The following SMAD3 variants were observed in gnomAD, a reference collection of about 807,000 sequenced individuals.
SMAD3 encodes MAD homolog 3.
Under a neutral mutation model 51.8 loss-of-function variants are expected in SMAD3, and 12 were observed. The ratio of observed to expected loss-of-function variants is 0.23; its 90% CI spans 0.15 to 0.38. SMAD3 has a LOEUF of 0.38. Ranked by LOEUF, SMAD3 falls within the 10% of genes least tolerant of loss-of-function variation. SMAD3 has a pLI of 1.00. For synonymous variants in SMAD3, 238 were observed against 227.7 expected (o/e 1.05, Z -0.41); for missense variants, 294 against 565.6 (o/e 0.52, Z 4.87).
chr15:67,081,290 A>G (rs1337991066), intron 1 of SMAD3, among the ~76,000 whole-genome samples: 1 of 152,152 alleles, frequency 6.6e-6, no homozygotes, highest in Non-Finnish European at 1.5e-5. Flanking sequence ...CCCTGGTGTC[A>G]TGGGGATGAC....
intron 5 of SMAD3, among the ~76,000 whole-genome samples, chr15:67,180,363 C>T (rs1289578184): frequency 6.6e-6 from 1 of 151,900 alleles, no homozygotes; most frequent in African/African-American, 2.4e-5. Flanking sequence ...AAATGGAAGG[C>T]TGGGATCCAT....
At chr15:67,186,315 C>T (rs1335734631) in intron 7 of SMAD3, among the ~76,000 whole-genome samples, 1 of 152,208 alleles carries the variant, frequency 6.6e-6, no homozygotes, top group Non-Finnish European at 1.5e-5. Context: ...CTCAGTGACG[C>T]TCTTGGCCTT....
At position 67,066,361 on chromosome 15, in the gene SMAD3, G is replaced by A; in HGVS notation, c.206+1G>A. The A allele has an allele frequency of 6.2e-7, 1 of 1,611,594 alleles. No individual in the cohort carries two copies. On this transcript the variant is annotated splice_donor_variant, in intron 1 of 8. Coordinates refer to ENST00000327367, the MANE Select transcript of SMAD3 (RefSeq NM_005902.4). LOFTEE classifies it high-confidence loss of function. ...ACACCAAGTGCATCACCATCCCCAG[G>A]TGGGGGCCCGCCCGGGGGGGACCCG...
At chr15:67,108,894 G>A (rs981851175) in intron 1 of SMAD3, among the ~76,000 whole-genome samples, 1 of 152,208 alleles carries the variant, frequency 6.6e-6, no homozygotes, top group Non-Finnish European at 1.5e-5. Context: ...AGATTGCACT[G>A]ATCTGGAGGT....
intron 1 of SMAD3, chr15:67,098,590 G>C: frequency 2.3e-6 from 1 of 426,952 alleles, no homozygotes; most frequent in Non-Finnish European, 4.3e-6. Flanking sequence ...GCAGCACAGA[G>C]GCAAACCACA....
At chr15:67,130,952 T>A (rs1395970066) in intron 1 of SMAD3, among the ~76,000 whole-genome samples, 8 of 152,184 alleles carry the variant, frequency 5.3e-5, no homozygotes. Flanking sequence ...AGATCTTGGC[T>A]GTGTTCTACC....
At chr15:67,142,067 G>A (rs187631896) in intron 1 of SMAD3, among the ~76,000 whole-genome samples, 167 of 152,248 alleles carry the variant, frequency 1.1e-3, no homozygotes, top group African/African-American at 3.2e-3. Context: ...TCAAGGCCAC[G>A]TAGCGAGGCA....
At chr15:67,113,076 G>GTATATATATATATATATATA (rs1555408269) in intron 1 of SMAD3, among the ~76,000 whole-genome samples, 3 of 34,982 alleles carry the variant, frequency 8.6e-5, no homozygotes, top group Admixed American at 3.6e-4. Flanking sequence ...ATATATATGT[G>GTATATATATATATATATATA]TATATATATA....
intron 5 of SMAD3, among the ~76,000 whole-genome samples, chr15:67,178,727 T>A (rs754329937): frequency 1.8e-4 from 28 of 152,064 alleles, no homozygotes; most frequent in Non-Finnish European, 4.1e-4. Flanking sequence ...GTGACCACAT[T>A]GTTTAGAATA....
rs1378925400 is a variant in SMAD3, at chr15:67,166,766, T to C, written c.533-13T>C. On this transcript the variant is annotated splice_polypyrimidine_tract_variant and intron_variant, in intron 3 of 8. Coordinates refer to ENST00000327367, the MANE Select transcript of SMAD3 (RefSeq NM_005902.4). ...AAGGCCTTTTAACAGACCACCTTCC[T>C]TCTGATTCCCAGAGACCCCACCCCC... 1 of 1,578,208 alleles carries C rather than the reference T, an allele frequency of 6.3e-7. No homozygotes were observed. The highest frequency in any genetic ancestry group is 8.6e-7 in the Non-Finnish European group (1 of 1,160,294).
intron 1 of SMAD3, among the ~76,000 whole-genome samples, chr15:67,123,975 T>G (rs1267300456): frequency 6.6e-6 from 1 of 152,110 alleles, no homozygotes; most frequent in Non-Finnish European, 1.5e-5. Flanking sequence ...TTTAGAAGCT[T>G]TTGTTCCTTT....
At chr15:67,123,262 G>A (rs527805099) in intron 1 of SMAD3, among the ~76,000 whole-genome samples, 2 of 151,452 alleles carry the variant, frequency 1.3e-5, no homozygotes, top group Non-Finnish European at 2.9e-5. Context: ...TTGGGAGGCC[G>A]AGGCGGGTGG....
At chr15:67,122,504 T>C (rs1595912156) in intron 1 of SMAD3, among the ~76,000 whole-genome samples, 1 of 152,316 alleles carries the variant, frequency 6.6e-6, no homozygotes, top group African/African-American at 2.4e-5. Context: ...GGCCATTTGT[T>C]AGAGCCAAAA....
intron 1 of SMAD3, chr15:67,137,911 C>G: frequency 2.8e-6 from 2 of 712,414 alleles, no homozygotes; most frequent in Middle Eastern, 2.4e-4. Flanking sequence ...CAGGGCTCTT[C>G]TGTTAGCGAC....
intron 1 of SMAD3, among the ~76,000 whole-genome samples, chr15:67,104,067 C>T (rs1326580336): frequency 2.0e-5 from 3 of 152,162 alleles, no homozygotes; most frequent in Non-Finnish European, 1.5e-5. Flanking sequence ...GTGCCTGCCT[C>T]TGCTGGTTTT....
At chr15:67,175,860 C>T (rs1359980494) in intron 5 of SMAD3, among the ~76,000 whole-genome samples, 2 of 152,228 alleles carry the variant, frequency 1.3e-5, no homozygotes, top group Non-Finnish European at 2.9e-5. Flanking sequence ...GCCCAAGGCT[C>T]TTTTACAATG....
chr15:67,127,334 G>T (rs1467056171), intron 1 of SMAD3, among the ~76,000 whole-genome samples: 1 of 152,226 alleles, frequency 6.6e-6, no homozygotes, highest in Non-Finnish European at 1.5e-5. Flanking sequence ...AGGCTGACAG[G>T]TTAAGTGACA....
intron 1 of SMAD3, among the ~76,000 whole-genome samples, chr15:67,089,345 C>G (rs1033706842): frequency 6.6e-6 from 1 of 152,206 alleles, no homozygotes; most frequent in Non-Finnish European, 1.5e-5. Context: ...TGCCAGTCTT[C>G]GTCCTCAGCC....
chr15:67,119,563 G>A (rs1595910237), intron 1 of SMAD3, among the ~76,000 whole-genome samples: 1 of 152,284 alleles, frequency 6.6e-6, no homozygotes, highest in East Asian at 1.9e-4. Context: ...AACTGTCTAT[G>A]AAGCAGATGG....
Sources: allele counts gnomAD v4.1 joint callset (sites outside exome capture counted in the v4.1 genomes callset), GRCh38; gene constraint gnomAD v4.1.1; transcripts MANE v1.5; gene names NCBI Gene and HGNC (gene_info 2026-07-23, HGNC 2026-07-21).